SERPINA9: variants seen among roughly 807,000 people sequenced by gnomAD.
The protein encoded by SERPINA9 is serpin A9.
Under a neutral mutation model 24.5 loss-of-function variants are expected in SERPINA9, and 32 were observed. The ratio of observed to expected loss-of-function variants is 1.30; its 90% CI spans 0.98 to 1.75. The LOEUF is 1.75. Ranked by LOEUF, SERPINA9 falls within the 40% of genes most tolerant of loss-of-function variation. SERPINA9 has a pLI of 0.00. For missense variants in SERPINA9, 594 were observed against 497.1 expected (o/e 1.19, Z -1.85); for synonymous variants, 233 against 197.7 (o/e 1.18, Z -1.50).
rs750270201 is a variant in SERPINA9 at position 94,469,607 on chromosome 14, G to A, written c.234C>T (p.Ser78=). ...IFFSPVSVST[S]LAMLSLGAHS... ...GGGCCCCAAGGGAGAGCATGGCCAG[G>A]GAAGTGGAGACACTCACAGGGGAGA... The change falls in exon 2 of 5, where the codon TCC becomes TCT. Residue 78 remains serine (S), a synonymous_variant. Transcript: ENST00000674397. 129 of 1,614,068 alleles carry A rather than the reference G, an allele frequency of 8.0e-5. No homozygotes were observed. Among genetic ancestry groups the A allele is most frequent in the Non-Finnish European group, 1.1e-4 (126 of 1,180,040 alleles).
chr14:94,474,143 C>T (rs1315523405), intron 1 of SERPINA9, among the ~76,000 whole-genome samples: 4 of 152,194 alleles, frequency 2.6e-5, no homozygotes, highest in African/African-American at 9.7e-5. Flanking sequence ...GCGGGTGCTG[C>T]CAGGCGCCAG....
At chr14:94,472,156 G>A (rs1312322178) in intron 1 of SERPINA9, among the ~76,000 whole-genome samples, 2 of 152,008 alleles carry the variant, frequency 1.3e-5, no homozygotes, top group African/African-American at 2.4e-5. Flanking sequence ...CCCTCTCTTC[G>A]GCCCCACTGC....
intron 3 of SERPINA9, among the ~76,000 whole-genome samples, chr14:94,465,953 A>G (rs1045769212): frequency 2.6e-5 from 4 of 152,222 alleles, no homozygotes; most frequent in African/African-American, 9.6e-5. Context: ...ACGAAAGCAC[A>G]AAAATATTGG....
intron 2 of SERPINA9, among the ~76,000 whole-genome samples, chr14:94,468,427 G>A (rs1415918888): frequency 3.9e-5 from 6 of 152,054 alleles, no homozygotes; most frequent in East Asian, 1.9e-4. Context: ...GGGATGATAC[G>A]GTGGCATCCA....
At chr14:94,468,912 C>CTTT (rs1200660975) in intron 2 of SERPINA9, among the ~76,000 whole-genome samples, 1 of 152,202 alleles carries the variant, frequency 6.6e-6, no homozygotes, top group Admixed American at 6.5e-5. Flanking sequence ...GGCAAGAGAT[C>CTTT]TTTTCTCTCA....
chr14:94,476,017 T>A, intron 1 of SERPINA9, 119 bp downstream of exon 1: 1 of 1,485,660 alleles, frequency 6.7e-7, no homozygotes, highest in Admixed American at 1.8e-5. Context: ...GTGTCTAGGT[T>A]CTCATCTTAT....
intron 3 of SERPINA9, 27 bp downstream of exon 3, chr14:94,467,082 G>C: frequency 6.2e-7 from 1 of 1,605,630 alleles, no homozygotes; most frequent in Non-Finnish European, 8.5e-7. Context: ...CTGCCTCAGG[G>C]CCCAGGAGAT....
chr14:94,470,176 G>T (rs1375494081), intron 1 of SERPINA9: 4 of 1,079,306 alleles, frequency 3.7e-6, no homozygotes, highest in Non-Finnish European at 4.5e-6. Context: ...TGATGTTTCT[G>T]CTTCATGGAC....
chr14:94,464,201 A>C (rs945607200), intron 4 of SERPINA9: 5 of 155,058 alleles, frequency 3.2e-5, no homozygotes. Flanking sequence ...TGGGAATTAG[A>C]GTTAGTGATT....
chr14:94,467,509 CTGA>C, intron 2 of SERPINA9, 127 bp from the exon 3 acceptor site: 1 of 819,754 alleles, frequency 1.2e-6, no homozygotes, highest in Non-Finnish European at 1.9e-6. Context: ...AAAAAATGCT[CTGA>C]TATTACACAG....
intron 1 of SERPINA9, chr14:94,475,918 C>T: frequency 3.3e-6 from 2 of 606,726 alleles, no homozygotes; most frequent in Non-Finnish European, 5.8e-6. Context: ...GTCTCTGTGG[C>T]CTTACCTCCA....
chr14:94,474,135 G>C (rs868793475), intron 1 of SERPINA9, among the ~76,000 whole-genome samples: 1 of 152,224 alleles, frequency 6.6e-6, no homozygotes, highest in Admixed American at 6.5e-5. Flanking sequence ...GAGGGGAAGC[G>C]GGTGCTGCCA....
chr14:94,475,743 G>T (rs145341597), intron 1 of SERPINA9, among the ~76,000 whole-genome samples: 4 of 152,076 alleles, frequency 2.6e-5, no homozygotes, highest in Admixed American at 6.6e-5. Flanking sequence ...GCTGATCCTT[G>T]CTGTTAGTTT....
At chr14:94,475,353 T>C (rs1024419528) in intron 1 of SERPINA9, among the ~76,000 whole-genome samples, 10 of 152,306 alleles carry the variant, frequency 6.6e-5, no homozygotes, top group African/African-American at 2.4e-4. Flanking sequence ...TTAACCTTTT[T>C]ATTCCAGGGT....
chr14:94,475,742 T>G (rs542838702), intron 1 of SERPINA9, among the ~76,000 whole-genome samples: 1 of 152,306 alleles, frequency 6.6e-6, no homozygotes, highest in Admixed American at 6.5e-5. Context: ...AGCTGATCCT[T>G]GCTGTTAGTT....
chr14:94,475,309 A>T (rs2139827141), intron 1 of SERPINA9, among the ~76,000 whole-genome samples: 1 of 151,694 alleles, frequency 6.6e-6, no homozygotes, highest in South Asian at 2.1e-4. Context: ...TCACTCTCCC[A>T]TTTTCAGGGA....
At chr14:94,473,301 C>T (rs577579700) in intron 1 of SERPINA9, among the ~76,000 whole-genome samples, 5 of 152,098 alleles carry the variant, frequency 3.3e-5, no homozygotes, top group African/African-American at 1.2e-4. Context: ...GGTGGATCAC[C>T]TGAGATCAGG....
At chr14:94,475,763 T>C (rs1899595829) in intron 1 of SERPINA9, among the ~76,000 whole-genome samples, 1 of 152,280 alleles carries the variant, frequency 6.6e-6, no homozygotes, top group Admixed American at 6.5e-5. Flanking sequence ...TGGAAACTGT[T>C]CAAGTCTTGC....
intron 2 of SERPINA9, among the ~76,000 whole-genome samples, chr14:94,468,382 A>G (rs1002436628): frequency 1.3e-5 from 2 of 151,740 alleles, no homozygotes; most frequent in African/African-American, 4.8e-5. Flanking sequence ...GAAGGGAGGG[A>G]GGAAGGAAGG....
Sources: allele counts gnomAD v4.1 joint callset (sites outside exome capture counted in the v4.1 genomes callset), GRCh38; gene constraint gnomAD v4.1.1; transcripts MANE v1.5; gene names NCBI Gene and HGNC (gene_info 2026-07-23, HGNC 2026-07-21).